NCKAP5: variants seen among roughly 807,000 people sequenced by gnomAD.
NCKAP5 encodes the protein NCK associated protein 5.
NCKAP5 carries 92 observed loss-of-function variants against 167.0 expected under a neutral mutation model. That is an observed-to-expected ratio of 0.55 (90% confidence interval 0.47 to 0.66). The LOEUF (loss-of-function observed/expected upper bound fraction) is 0.66. NCKAP5 is among the 30% of genes least tolerant of loss of function. NCKAP5 has a pLI of 0.00. For missense variants in NCKAP5, 2,378 were observed against 2,315.0 expected (o/e 1.03, Z -0.56); for synonymous variants, 891 against 877.4 (o/e 1.02, Z -0.27).
intron 5 of NCKAP5, among the ~76,000 whole-genome samples, chr2:133,138,319 T>A (rs16857181): frequency 0.026 from 3,989 of 152,262 alleles, 159 homozygotes; most frequent in African/African-American, 0.09. Context: ...AATTTTGGGA[T>A]CCTACCAAGA....
chr2:132,728,294 G>T (rs553161476), intron 18 of NCKAP5, among the ~76,000 whole-genome samples: 1 of 152,088 alleles, frequency 6.6e-6, no homozygotes, highest in Admixed American at 6.6e-5. Flanking sequence ...CAGGAGTTCC[G>T]TGTGTGTCAT....
At chr2:133,515,469 A>G (rs562921886) in intron 3 of NCKAP5, among the ~76,000 whole-genome samples, 84 of 152,348 alleles carry the variant, frequency 5.5e-4, no homozygotes, top group African/African-American at 1.9e-3. Context: ...TCACTAGTGT[A>G]AAAGCTCTCC....
At chr2:132,770,152 T>C (rs908620112) in intron 16 of NCKAP5, among the ~76,000 whole-genome samples, 3 of 152,108 alleles carry the variant, frequency 2.0e-5, no homozygotes, top group African/African-American at 7.2e-5. Context: ...TGCCCCAAAC[T>C]TATAGATCCC....
rs1290095003 is a variant in NCKAP5, at chr2:133,382,270, T to C, written c.70-79160A>G. Among the ~76,000 whole-genome samples, 6 of 152,322 alleles carry C rather than the reference T, an allele frequency of 3.9e-5. No individual in the cohort carries two copies. In the East Asian group the frequency reaches 1.2e-3, roughly 29 times the overall value. ...ACCCCATTACTATGGTAGTGTTAAA[T>C]ACTCTCACCTGTTGGCTTAGTCTTC... On this transcript the variant is annotated intron_variant, in intron 3 of 19. Coordinates refer to ENST00000409261, the MANE Select transcript of NCKAP5 (RefSeq NM_207363.3).
the NCKAP5 span, among the ~76,000 whole-genome samples, chr2:133,638,655 C>T: frequency 0.018 from 2,707 of 152,068 alleles, 88 homozygotes; most frequent in African/African-American, 0.061. Context: ...GTCAGGAGTT[C>T]GAGACCAGCT....
intron 6 of NCKAP5, among the ~76,000 whole-genome samples, chr2:133,006,133 C>T (rs897697568): frequency 5.3e-5 from 8 of 152,006 alleles, no homozygotes; most frequent in African/African-American, 1.9e-4. Flanking sequence ...GTGGCAAAGG[C>T]CTGTAGTCCC....
At chr2:132,968,231 T>G (rs994158540) in intron 7 of NCKAP5, among the ~76,000 whole-genome samples, 1 of 152,222 alleles carries the variant, frequency 6.6e-6, no homozygotes, top group South Asian at 2.1e-4. Flanking sequence ...GGTTCTGATT[T>G]ACATTTTAGA....
intron 4 of NCKAP5, among the ~76,000 whole-genome samples, chr2:133,275,312 G>C (rs1026173740): frequency 6.6e-6 from 1 of 151,922 alleles, no homozygotes; most frequent in African/African-American, 2.4e-5. Flanking sequence ...GGAATAATTT[G>C]GATATATTTA....
intron 11 of NCKAP5, among the ~76,000 whole-genome samples, chr2:132,830,429 C>G (rs1016162776): frequency 4.6e-5 from 7 of 151,882 alleles, no homozygotes; most frequent in Admixed American, 6.6e-5. Context: ...CTGTTTCCCC[C>G]CTTGCAGTGC....
chr2:133,395,221 C>T (rs547178604), intron 3 of NCKAP5, among the ~76,000 whole-genome samples: 2 of 152,296 alleles, frequency 1.3e-5, no homozygotes, highest in East Asian at 3.9e-4. Context: ...GCTCAGGGCA[C>T]ACTCCACCTG....
At chr2:132,717,199 C>T (rs761984966) in intron 19 of NCKAP5, among the ~76,000 whole-genome samples, 18 of 152,122 alleles carry the variant, frequency 1.2e-4, no homozygotes, top group Non-Finnish European at 2.2e-4. Flanking sequence ...TGTCCCACTG[C>T]GCATGTCCAT....
intron 11 of NCKAP5, among the ~76,000 whole-genome samples, chr2:132,798,727 G>C (rs1684798589): frequency 6.6e-6 from 1 of 152,166 alleles, no homozygotes; most frequent in Non-Finnish European, 1.5e-5. Context: ...TGGGAGAAAG[G>C]AGAGGTCCTG....
intron 6 of NCKAP5, among the ~76,000 whole-genome samples, chr2:133,090,425 G>A (rs1319479999): frequency 1.3e-5 from 2 of 151,930 alleles, no homozygotes; most frequent in African/African-American, 4.8e-5. Context: ...CCACCTCTTC[G>A]TTGTGGAGGC....
intron 3 of NCKAP5, among the ~76,000 whole-genome samples, chr2:133,413,330 A>G (rs959973531): frequency 6.6e-6 from 1 of 152,224 alleles, no homozygotes; most frequent in Non-Finnish European, 1.5e-5. Context: ...TGGTCCCCTA[A>G]ATCTAGCCAG....
intron 19 of NCKAP5, among the ~76,000 whole-genome samples, chr2:132,680,657 G>C (rs1408016789): frequency 6.6e-6 from 1 of 152,110 alleles, no homozygotes; most frequent in African/African-American, 2.4e-5. Context: ...GGAAAGAGAA[G>C]TCATTTCATC....
At chr2:133,473,780 C>A (rs565919414) in intron 3 of NCKAP5, among the ~76,000 whole-genome samples, 7 of 152,286 alleles carry the variant, frequency 4.6e-5, no homozygotes, top group African/African-American at 1.4e-4. Flanking sequence ...TGAATAGCCT[C>A]ATATTTAAGT....
rs546804638 is a variant in NCKAP5, at chr2:132,679,996, G to A, written c.5714-6691C>T. On this transcript the variant is annotated intron_variant, in intron 19 of 19. Coordinates refer to ENST00000409261, the MANE Select transcript of NCKAP5 (RefSeq NM_207363.3). ...ACTAGTTAATCACTTCCTTAATGCC[G>A]CCTCTTACTGCATTCCTGGTGAAGC... is the stretch of plus-strand genomic sequence containing the variant. Among the ~76,000 whole-genome samples, 5 of 152,132 alleles carry A rather than the reference G, an allele frequency of 3.3e-5. No individual in the cohort carries two copies. In the South Asian group the frequency reaches 6.2e-4, roughly 19 times the overall value.
chr2:133,125,219 CTT>C (rs777940751), intron 6 of NCKAP5, among the ~76,000 whole-genome samples: 8 of 142,712 alleles, frequency 5.6e-5, no homozygotes, highest in African/African-American at 1.0e-4. Context: ...ATTACTCTAC[CTT>C]TTTTTTTTTT....
At chr2:132,983,482 T>C (rs962681390) in intron 7 of NCKAP5, among the ~76,000 whole-genome samples, 1 of 152,186 alleles carries the variant, frequency 6.6e-6, no homozygotes, top group African/African-American at 2.4e-5. Flanking sequence ...GTATGTTCCT[T>C]CAATGCCTAG....
Sources: allele counts gnomAD v4.1 joint callset (sites outside exome capture counted in the v4.1 genomes callset), GRCh38; gene constraint gnomAD v4.1.1; transcripts MANE v1.5; gene names NCBI Gene and HGNC (gene_info 2026-07-23, HGNC 2026-07-21).